SCLT1: variants seen among roughly 807,000 people sequenced by gnomAD.
SCLT1 encodes sodium channel and clathrin linker 1.
SCLT1 carries 78 observed loss-of-function variants against 112.8 expected under a neutral mutation model. The observed-to-expected ratio is 0.69, with a 90% confidence interval of 0.58 to 0.83. The LOEUF is 0.83. Ranked by LOEUF, SCLT1 falls within the 40% of genes least tolerant of loss-of-function variation. SCLT1 has a pLI of 0.00. For missense variants in SCLT1, 747 were observed against 770.4 expected, an observed-to-expected ratio of 0.97 and a Z score of 0.36; for synonymous variants, 257 against 254.7, an observed-to-expected ratio of 1.01 and a Z score of -0.09.
At chr4:129,002,211 G>C (rs1560949125) in intron 6 of SCLT1, among the ~76,000 whole-genome samples, 2 of 151,912 alleles carry the variant, frequency 1.3e-5, no homozygotes, top group African/African-American at 4.8e-5. Flanking sequence ...AGGCACAAGA[G>C]TTTTTTTCTA....
intron 19 of SCLT1, among the ~76,000 whole-genome samples, chr4:128,889,718 A>T (rs143212734): frequency 6.6e-6 from 1 of 152,338 alleles, no homozygotes; most frequent in East Asian, 1.9e-4. Flanking sequence ...CTCTCTCCAC[A>T]CTTACTAGCC....
chr4:128,898,569 C>A, intron 18 of SCLT1, among the ~76,000 whole-genome samples: 1 of 152,024 alleles, frequency 6.6e-6, no homozygotes, highest in East Asian at 1.9e-4. Flanking sequence ...CAAGAGAAAG[C>A]AGGAAAGATC....
chr4:128,974,670 T>C (rs1197210560), intron 9 of SCLT1, among the ~76,000 whole-genome samples: 1 of 152,156 alleles, frequency 6.6e-6, no homozygotes, highest in Non-Finnish European at 1.5e-5. Context: ...CTTTTAAATA[T>C]TCAAGCTTTT....
chr4:128,955,183 G>A (rs1216021064), intron 13 of SCLT1, among the ~76,000 whole-genome samples: 1 of 152,190 alleles, frequency 6.6e-6, no homozygotes, highest in African/African-American at 2.4e-5. Flanking sequence ...CTTTTGTCAT[G>A]TGAGGAAACA....
At chr4:128,964,982 G>A (rs1205794300) in intron 11 of SCLT1, among the ~76,000 whole-genome samples, 3 of 152,006 alleles carry the variant, frequency 2.0e-5, no homozygotes, top group Non-Finnish European at 4.4e-5. Flanking sequence ...TTAAATTAAT[G>A]TACTTAGTAA....
At chr4:128,916,833 T>C (rs1735514766) in intron 18 of SCLT1, among the ~76,000 whole-genome samples, 1 of 152,192 alleles carries the variant, frequency 6.6e-6, no homozygotes, top group Non-Finnish European at 1.5e-5. Context: ...TAGTTCTGAC[T>C]TGTCAAGACT....
At chr4:128,991,726 C>T (rs568243274) in intron 9 of SCLT1, among the ~76,000 whole-genome samples, 9 of 151,822 alleles carry the variant, frequency 5.9e-5, no homozygotes, top group African/African-American at 2.2e-4. Flanking sequence ...AAAAAATGCT[C>T]AGATGATTTG....
chr4:129,049,172 C>G (rs1748500626), intron 2 of SCLT1, among the ~76,000 whole-genome samples: 1 of 151,716 alleles, frequency 6.6e-6, no homozygotes, highest in Admixed American at 6.6e-5. Flanking sequence ...TATAAAGACA[C>G]ATGCACACGT....
At chr4:129,043,558 A>T (rs1047007160) in intron 3 of SCLT1, 91 bp from the exon 4 acceptor site, 6 of 620,052 alleles carry the variant, frequency 9.7e-6, no homozygotes, top group African/African-American at 1.9e-5. Flanking sequence ...TAAAAATTTT[A>T]TGTTTAGTTT....
At chr4:129,037,054 T>C (rs1033852416) in intron 5 of SCLT1, 2 of 151,088 alleles carry the variant, frequency 1.3e-5, no homozygotes, top group Non-Finnish European at 2.9e-5. Context: ...GTAGCAAATA[T>C]AAGAGAAGAT....
intron 16 of SCLT1, chr4:128,945,061 T>G (rs1738029163): frequency 6.6e-6 from 1 of 152,236 alleles, no homozygotes; most frequent in South Asian, 2.1e-4. Flanking sequence ...TTAGGAAATA[T>G]GTGAGAGTTC....
At chr4:129,079,989 G>A (rs867595529) in intron 2 of SCLT1, among the ~76,000 whole-genome samples, 2 of 152,208 alleles carry the variant, frequency 1.3e-5, no homozygotes, top group East Asian at 3.9e-4. Flanking sequence ...ATGTTATCTG[G>A]GGCCCTTTTA....
At chr4:128,916,944 G>A (rs1227419266) in intron 18 of SCLT1, among the ~76,000 whole-genome samples, 1 of 152,078 alleles carries the variant, frequency 6.6e-6, no homozygotes, top group African/African-American at 2.4e-5. Context: ...TTATTGGGCT[G>A]TCACATTCTG....
At position 129,039,032 on chromosome 4, in the gene SCLT1, T is replaced by C; in HGVS notation, c.290+9A>G. 6.8e-7 allele frequency: 1 copy of C among 1,472,010 alleles called. No homozygotes were observed. The highest frequency in any genetic ancestry group is 9.5e-7 in the Non-Finnish European group (1 of 1,052,262). 91.2% of individuals were successfully genotyped at this position (1,472,010 alleles called of 1,614,324 possible). A position where few individuals can be genotyped will look rare whatever the true frequency, so the allele number is the denominator to read the frequency against. On this transcript the variant is annotated intron_variant, in intron 5 of 20. Transcript: ENST00000281142. Reference sequence around the variant, plus strand: ...AATAAAAGATAAAACCAATAGTTAATTGATTTACCTTTCATTTTCCTTGAT... The same window carrying C: ...AATAAAAGATAAAACCAATAGTTAACTGATTTACCTTTCATTTTCCTTGAT...
intron 2 of SCLT1, among the ~76,000 whole-genome samples, chr4:129,067,670 C>T (rs1334871176): frequency 6.6e-6 from 1 of 151,912 alleles, no homozygotes; most frequent in Non-Finnish European, 1.5e-5. Flanking sequence ...ACCACCATAC[C>T]TGGCTAATTT....
chr4:128,915,266 G>A (rs1403936257), intron 18 of SCLT1, among the ~76,000 whole-genome samples: 1 of 152,124 alleles, frequency 6.6e-6, no homozygotes, highest in Non-Finnish European at 1.5e-5. Flanking sequence ...TGTGTTATAC[G>A]GCCAACGTGT....
At chr4:129,053,388 A>G (rs1454587876) in intron 2 of SCLT1, among the ~76,000 whole-genome samples, 1 of 151,930 alleles carries the variant, frequency 6.6e-6, no homozygotes, top group Non-Finnish European at 1.5e-5. Flanking sequence ...GTCTCTAAGA[A>G]CCTGCTTTAT....
Position 128,922,700 on chromosome 4 carries a change from T to A in SCLT1, c.1829+13955A>T, listed in dbSNP as rs142567173. Reference sequence around the variant, plus strand: ...AGAAAACTATCAAGTACTATGCTTATTGTCTGTGTAACAAAATAATAGGTA... The same window carrying A: ...AGAAAACTATCAAGTACTATGCTTAATGTCTGTGTAACAAAATAATAGGTA... On this transcript the variant is annotated intron_variant, in intron 18 of 20. Transcript: ENST00000281142. Among the ~76,000 whole-genome samples the A allele has an allele frequency of 1.2e-4, 18 of 152,302 alleles. 1 individual carries two copies. The Middle Eastern group carries it at 0.017, about 144-fold the overall frequency.
intron 18 of SCLT1, among the ~76,000 whole-genome samples, chr4:128,896,842 G>A (rs981895279): frequency 6.6e-6 from 1 of 152,200 alleles, no homozygotes; most frequent in Admixed American, 6.5e-5. Context: ...ACCTGATGGA[G>A]CTGAAAGCCA....
Sources: allele counts gnomAD v4.1 joint callset (sites outside exome capture counted in the v4.1 genomes callset), GRCh38; gene constraint gnomAD v4.1.1; transcripts MANE v1.5; gene names NCBI Gene and HGNC (gene_info 2026-07-23, HGNC 2026-07-21).